Variants in SIK3 observed in about 807,000 individuals in gnomAD.
SIK3 encodes SIK family kinase 3.
Under a neutral mutation model 144.2 loss-of-function variants are expected in SIK3, and 28 were observed. The ratio of observed to expected loss-of-function variants is 0.19; its 90% confidence interval spans 0.14 to 0.27. The LOEUF is 0.27. Ranked by LOEUF, SIK3 falls within the 10% of genes least tolerant of loss-of-function variation. The pLI is 1.00. For synonymous variants in SIK3, 686 were observed against 676.3 expected, an observed-to-expected ratio of 1.01 and a Z score of -0.22; for missense variants, 1,319 against 1,776.0, an observed-to-expected ratio of 0.74 and a Z score of 4.62.
chr11:116,844,647 T>TGTGTG lies in SIK3; in HGVS notation c.*995_*996insCACAC, dbSNP rs1565345789. ...TATATATAATATATTATATTATATA[T>TGTGTG]TATATATATAATATATATATACACA... On this transcript the variant is annotated 3_prime_UTR_variant, in exon 25 of 25. Transcript: ENST00000445177. 1 of 109,524 alleles carries TGTGTG rather than the reference T, an allele frequency of 9.1e-6. No individual in the cohort carries two copies. Among genetic ancestry groups the TGTGTG allele is most frequent in the African/African-American group, 3.5e-5 (1 of 28,306 alleles). The allele number at this position is 109,524 out of a possible 1,614,324, so 6.8% of individuals were successfully genotyped here.
At chr11:116,868,939 A>T (rs1435709808) in intron 14 of SIK3, 1 of 152,176 alleles carries the variant, frequency 6.6e-6, no homozygotes, top group Non-Finnish European at 1.5e-5. Flanking sequence ...TAAAAGAGGC[A>T]CTACACCTTT....
chr11:117,042,296 A>G (rs1952779167), intron 1 of SIK3, among the ~76,000 whole-genome samples: 1 of 152,164 alleles, frequency 6.6e-6, no homozygotes, highest in Non-Finnish European at 1.5e-5. Context: ...ATATGTTCTC[A>G]TTTGTATTCT....
chr11:116,862,381 G>A, intron 16 of SIK3, 54 bp from the exon 17 acceptor site: 1 of 1,611,080 alleles, frequency 6.2e-7, no homozygotes. Flanking sequence ...GCCTCATGCA[G>A]TGATTTCAGC....
intron 1 of SIK3, among the ~76,000 whole-genome samples, chr11:117,055,382 G>T (rs1451798900): frequency 2.0e-5 from 3 of 152,184 alleles, no homozygotes; most frequent in Non-Finnish European, 2.9e-5. Context: ...ACACAATCCT[G>T]AGATAGGTAG....
In SIK3 at chr11:116,849,059, C is replaced by T; in HGVS notation, c.3819+61G>A. ...AGAGAGGCTACCCCACATCACTATACTCTGTTTCAAGGCTGGGACTGGGAG... is the reference window on the plus strand; with the variant it reads ...AGAGAGGCTACCCCACATCACTATATTCTGTTTCAAGGCTGGGACTGGGAG... On this transcript the variant is annotated intron_variant, in intron 22 of 24. Transcript: ENST00000445177. This position sits in a 1 kb window ranked among gnomAD's most constrained non-coding sequence, Gnocchi z 4.2. 7.2e-6 allele frequency: 11 copies of T among 1,524,112 alleles called. No individual in the cohort carries two copies. The highest frequency in any genetic ancestry group is 9.7e-6 in the Non-Finnish European group (11 of 1,130,846). The allele number at this position is 1,524,112 out of a possible 1,614,324, so 94.4% of individuals were successfully genotyped here.
chr11:117,040,369 A>G (rs1352192563), intron 1 of SIK3, among the ~76,000 whole-genome samples: 2 of 152,222 alleles, frequency 1.3e-5, no homozygotes, highest in Non-Finnish European at 2.9e-5. Flanking sequence ...AACAAATGTT[A>G]GCTGACATTA....
rs531926912 is a variant in SIK3, at chr11:117,004,538, G to A, written c.274-47474C>T. ...CTCCAAAACAAAAAAAAAGAACAAC[G>A]TTATTTAGACTATCCAAACAGGGAC... is the stretch of plus-strand genomic sequence containing the variant. On this transcript the variant is annotated intron_variant, in intron 1 of 24. Transcript: ENST00000445177. Among the ~76,000 whole-genome samples the A allele has an allele frequency of 8.1e-4, 123 of 152,056 alleles. 1 individual carries two copies. Among genetic ancestry groups the A allele is most frequent in the African/African-American group, 2.9e-3 (121 of 41,476 alleles).
rs1264960451 is a variant in SIK3, at chr11:116,844,121, A to G, written c.*1522T>C. ...GTCTCTCTCTTGTTTTGAAGATCAG[A>G]AGGAGATAACCCAGACCCTCTCTCA... On this transcript the variant is annotated 3_prime_UTR_variant, in exon 25 of 25. Coordinates refer to ENST00000445177, the MANE Select transcript of SIK3 (RefSeq NM_001366686.3). 6.6e-6 allele frequency: 1 copy of G among 152,190 alleles called. No individual in the cohort carries two copies. The highest frequency in any genetic ancestry group is 1.9e-4 in the East Asian group (1 of 5,190). The allele number at this position is 152,190 out of a possible 1,614,324, so 9.4% of individuals were successfully genotyped here.
At chr11:117,025,103 C>T (rs1029489633) in intron 1 of SIK3, among the ~76,000 whole-genome samples, 1 of 152,132 alleles carries the variant, frequency 6.6e-6, no homozygotes, top group Admixed American at 6.5e-5. Flanking sequence ...TGTCAATGAG[C>T]AACTACTACC....
chr11:117,087,515 C>T (rs1157886529), intron 1 of SIK3, among the ~76,000 whole-genome samples: 1 of 152,192 alleles, frequency 6.6e-6, no homozygotes, highest in Non-Finnish European at 1.5e-5. Context: ...AGATGGATTA[C>T]ACAGCTGCTA....
intron 1 of SIK3, among the ~76,000 whole-genome samples, chr11:116,966,840 A>C (rs1275188148): frequency 6.6e-6 from 1 of 151,742 alleles, no homozygotes; most frequent in Non-Finnish European, 1.5e-5. Context: ...TCTCTACTAA[A>C]AATACAAAAA....
At chr11:116,986,606 C>T (rs993920301) in intron 1 of SIK3, among the ~76,000 whole-genome samples, 1 of 152,204 alleles carries the variant, frequency 6.6e-6, no homozygotes, top group African/African-American at 2.4e-5. Context: ...CCCAATCTTT[C>T]CTTTACTCTT....
intron 1 of SIK3, among the ~76,000 whole-genome samples, chr11:117,038,506 G>A (rs891246366): frequency 1.1e-4 from 16 of 151,672 alleles, no homozygotes; most frequent in African/African-American, 1.7e-4. Flanking sequence ...ACAGGCACCC[G>A]CCACCACGCC....
chr11:116,889,607 AT>A lies in SIK3; in HGVS notation c.865+6645del, dbSNP rs1944997227. 5.3e-5 allele frequency among the ~76,000 whole-genome samples: 8 copies of A among 152,194 alleles called. No individual in the cohort carries two copies. In the South Asian group the frequency reaches 1.5e-3, roughly 28 times the overall value. On this transcript the variant is annotated intron_variant, in intron 6 of 24. Coordinates refer to ENST00000445177, the MANE Select transcript of SIK3 (RefSeq NM_001366686.3). ...TGAAAAATTGAAATATTTTTAAAAA[AT>A]ATATTGGCTGGGTGCAGTGGCTCAC...
chr11:116,992,967 A>C (rs1017392445), intron 1 of SIK3, among the ~76,000 whole-genome samples: 1 of 152,224 alleles, frequency 6.6e-6, no homozygotes, highest in Non-Finnish European at 1.5e-5. Context: ...CCTGGGTGAC[A>C]GAGTGAGATT....
At chr11:116,871,695 A>G (rs571700568) in intron 13 of SIK3, among the ~76,000 whole-genome samples, 2 of 152,332 alleles carry the variant, frequency 1.3e-5, no homozygotes, top group East Asian at 3.9e-4. Context: ...GAAAGTGGAG[A>G]GGATGTTTCA....
chr11:117,012,960 T>A (rs1219254001), intron 1 of SIK3, among the ~76,000 whole-genome samples: 2 of 149,842 alleles, frequency 1.3e-5, no homozygotes, highest in Non-Finnish European at 3.0e-5. Flanking sequence ...CACACCATTA[T>A]CCTGCCTCAG....
At chr11:117,038,597 T>C (rs990957326) in intron 1 of SIK3, among the ~76,000 whole-genome samples, 5 of 151,930 alleles carry the variant, frequency 3.3e-5, no homozygotes, top group African/African-American at 9.7e-5. Context: ...CCTCAGGTGA[T>C]CCTCCTCGGC....
chr11:117,046,298 C>A (rs960173461), intron 1 of SIK3, among the ~76,000 whole-genome samples: 5 of 152,170 alleles, frequency 3.3e-5, no homozygotes, highest in Admixed American at 6.5e-5. Flanking sequence ...TGTATCTATG[C>A]CCCTGCTTCA....
Sources: gnomAD v4.1 joint callset for allele counts (sites outside exome capture counted in the v4.1 genomes callset) on GRCh38, gnomAD v4.1.1 for gene constraint, Gnocchi (gnomAD v3.1) non-coding constraint, MANE v1.5 for transcripts, NCBI Gene and HGNC (gene_info 2026-07-23, HGNC 2026-07-21) for gene names.